DDX60L: variants seen among roughly 807,000 people sequenced by gnomAD.
The protein encoded by DDX60L is DExD/H-box 60 like.
In DDX60L, 191 loss-of-function variants were observed where a neutral mutation model predicts 211.6. The observed-to-expected ratio is 0.90, with a 90% CI of 0.80 to 1.02. The LOEUF is 1.02. DDX60L is among the 50% of genes least tolerant of loss of function. DDX60L has a pLI of 0.00. For synonymous variants in DDX60L, 706 were observed against 694.1 expected (o/e 1.02, Z -0.27); for missense variants, 2,007 against 1,984.1 (o/e 1.01, Z -0.22).
Position 168,419,352 on chromosome 4 carries a change from GA to G in DDX60L, c.2559del (p.Pro854LeufsTer48), listed in dbSNP as rs750908301. The G allele has an allele frequency of 6.3e-7, 1 of 1,598,976 alleles. No homozygotes were observed. Among genetic ancestry groups the G allele is most frequent in the Admixed American group, 1.7e-5 (1 of 58,266 alleles). On this transcript the variant is annotated frameshift_variant, in exon 19 of 38. Coordinates refer to ENST00000682922, the MANE Select transcript of DDX60L (RefSeq NM_001012967.3). LOFTEE classifies it high-confidence loss of function. ...VPECFEILLL[A>X]PHRQKWVERI... ...CTTTCCACCCATTTTTGGCGATGAG[GA>G]GCAAGCAACAGGATTTCAAAACATT...
intron 4 of DDX60L, among the ~76,000 whole-genome samples, chr4:168,463,725 C>T (rs1404467223): frequency 1.3e-5 from 2 of 151,924 alleles, no homozygotes; most frequent in Non-Finnish European, 2.9e-5. Context: ...CAAAACTAAC[C>T]CCCACCCCAA....
chr4:168,379,579 G>T, intron 31 of DDX60L, 75 bp from the exon 32 acceptor site: 2 of 1,232,910 alleles, frequency 1.6e-6, no homozygotes, highest in South Asian at 1.6e-5. Flanking sequence ...GTGAGTGACT[G>T]ACAAATATTA....
intron 28 of DDX60L, among the ~76,000 whole-genome samples, chr4:168,393,971 G>A (rs538718845): frequency 6.6e-6 from 1 of 152,192 alleles, no homozygotes; most frequent in East Asian, 1.9e-4. Flanking sequence ...CAGGTGGGTG[G>A]ATCATGAGGT....
chr4:168,366,846 AT>A (rs1291996261), intron 36 of DDX60L, among the ~76,000 whole-genome samples: 2 of 152,098 alleles, frequency 1.3e-5, no homozygotes, highest in East Asian at 3.9e-4. Flanking sequence ...CACCCAACTG[AT>A]TTTTTATAAA....
intron 4 of DDX60L, among the ~76,000 whole-genome samples, chr4:168,466,599 A>G (rs1470152519): frequency 6.6e-6 from 1 of 152,222 alleles, no homozygotes; most frequent in African/African-American, 2.4e-5. Flanking sequence ...ACCAGATGTG[A>G]ATTTCAAGTA....
intron 15 of DDX60L, among the ~76,000 whole-genome samples, chr4:168,423,129 T>C (rs1750923193): frequency 6.6e-6 from 1 of 152,110 alleles, no homozygotes; most frequent in Non-Finnish European, 1.5e-5. Flanking sequence ...CCTACTATGC[T>C]TTTAAATAGT....
intron 36 of DDX60L, among the ~76,000 whole-genome samples, chr4:168,364,157 T>C (rs1739563462): frequency 6.6e-6 from 1 of 152,046 alleles, no homozygotes; most frequent in South Asian, 2.1e-4. Context: ...GTATGCTGAC[T>C]ACTACAGAAT....
chr4:168,375,788 T>C (rs559925976), intron 33 of DDX60L, among the ~76,000 whole-genome samples: 1 of 152,334 alleles, frequency 6.6e-6, no homozygotes, highest in South Asian at 2.1e-4. Flanking sequence ...CCTACACTGA[T>C]CTTAAACTTA....
intron 29 of DDX60L, among the ~76,000 whole-genome samples, 183 bp downstream of exon 29, chr4:168,391,357 C>A (rs752588854): frequency 2.0e-5 from 3 of 152,102 alleles, no homozygotes; most frequent in Non-Finnish European, 2.9e-5. Context: ...AAAGTAGTAA[C>A]AACAGATAGA....
In DDX60L at chr4:168,432,998, T is replaced by C. The variant is rs1363378583; in HGVS notation, c.1400+12A>G. 2 of 1,568,638 alleles carry C rather than the reference T, an allele frequency of 1.3e-6. No homozygotes were observed. Among genetic ancestry groups the C allele is most frequent in the East Asian group, 2.3e-5 (1 of 44,336 alleles). On this transcript the variant is annotated intron_variant, in intron 11 of 37. Transcript: ENST00000682922. The stretch of plus-strand genomic sequence containing the variant: ...TGATGGCACTAAATCAGGTACTTCA[T>C]TAACTCTGTACCTCTTTAGAATAGG...
At chr4:168,408,465 C>T (rs1188343888) in intron 22 of DDX60L, among the ~76,000 whole-genome samples, 1 of 152,072 alleles carries the variant, frequency 6.6e-6, no homozygotes, top group Non-Finnish European at 1.5e-5. Context: ...CTCTGCACAA[C>T]ATGTAATTAG....
At chr4:168,449,702 T>C (rs1755519091) in intron 8 of DDX60L, among the ~76,000 whole-genome samples, 1 of 111,318 alleles carries the variant, frequency 9.0e-6, no homozygotes, top group Non-Finnish European at 1.8e-5. Context: ...TGTGCTTGAC[T>C]AAGAAAGAGG....
intron 37 of DDX60L, among the ~76,000 whole-genome samples, chr4:168,360,222 G>A (rs1298306503): frequency 6.6e-6 from 1 of 152,168 alleles, no homozygotes; most frequent in Non-Finnish European, 1.5e-5. Flanking sequence ...AACACAGTAA[G>A]ACCTTGATAC....
intron 29 of DDX60L, among the ~76,000 whole-genome samples, chr4:168,385,503 A>T (rs545039664): frequency 1.4e-4 from 22 of 152,292 alleles, no homozygotes; most frequent in Admixed American, 4.6e-4. Context: ...AAACTCAAAG[A>T]GGGGGTCATG....
At position 168,415,714 on chromosome 4, in the gene DDX60L, AT is replaced by A. The variant is rs774140988; in HGVS notation, c.2811del (p.Lys937AsnfsTer30). ...GAATGGTCTTGGAGAAAGTTGAGAC[AT>A]TTGTCAGCCTGTTTTTCAGAAATAC... is the stretch of plus-strand genomic sequence containing the variant. ...EKCISEKQAD[K>X]CLNFLQDHSY... On this transcript the variant is annotated frameshift_variant, in exon 21 of 38. Coordinates refer to ENST00000682922, the MANE Select transcript of DDX60L (RefSeq NM_001012967.3). LOFTEE classifies it high-confidence loss of function. 9 of 1,604,178 alleles carry A rather than the reference AT, an allele frequency of 5.6e-6. No individual in the cohort carries two copies. The Admixed American group carries it at 1.3e-4, about 24-fold the overall frequency.
chr4:168,373,611 A>C, intron 35 of DDX60L, 55 bp downstream of exon 35: 7 of 1,555,366 alleles, frequency 4.5e-6, no homozygotes, highest in East Asian at 2.3e-5. Context: ...ACAGCAATGT[A>C]ACCCCACTCT....
Position 168,396,136 on chromosome 4 carries a change from A to AC in DDX60L, c.3492-13_3492-12insG. 7.2e-7 allele frequency: 1 copy of AC among 1,391,108 alleles called. No homozygotes were observed. Among genetic ancestry groups the AC allele is most frequent in the Non-Finnish European group, 9.6e-7 (1 of 1,037,936 alleles). The allele number at this position is 1,391,108 out of a possible 1,614,324, so 86.2% of individuals were successfully genotyped here. A position where few individuals can be genotyped will look rare whatever the true frequency, so the allele number is the denominator to read the frequency against. On this transcript the variant is annotated splice_polypyrimidine_tract_variant and intron_variant, in intron 26 of 37. Coordinates refer to ENST00000682922, the MANE Select transcript of DDX60L (RefSeq NM_001012967.3). ...GGTTTTTTTTAGTGCTACTATTTAA[A>AC]AAAAAAAAAAAACTTTTAAGTAATG...
intron 14 of DDX60L, among the ~76,000 whole-genome samples, chr4:168,424,935 AG>A (rs1464123691): frequency 5.3e-5 from 8 of 152,208 alleles, no homozygotes; most frequent in African/African-American, 1.9e-4. Context: ...TCTGGGATGA[AG>A]CCTCCTTCCA....
Position 168,422,622 on chromosome 4 carries a change from C to T in DDX60L, c.2146G>A (p.Ala716Thr). The T allele has an allele frequency of 6.2e-7, 1 of 1,612,830 alleles. No homozygotes were observed. Among genetic ancestry groups the T allele is most frequent in the East Asian group, 2.2e-5 (1 of 44,860 alleles). Residue 716 changes from alanine (A) to threonine (T), a missense_variant, in exon 16 of 38, where the codon GCT becomes ACT. Physicochemically the swap from Ala to Thr is moderately conservative, Grantham distance 58. Coordinates refer to ENST00000682922, the MANE Select transcript of DDX60L (RefSeq NM_001012967.3). ...CCCATGTATTGCAGTTGAAACCGAG[C>T]TGGTCCAATGTCAATCGAATATTTC... is the stretch of plus-strand genomic sequence containing the variant. ...KKKYSIDIGP[A>T]RFQLQYMGHY...
Sources: gnomAD v4.1 joint callset for allele counts (sites outside exome capture counted in the v4.1 genomes callset) on GRCh38, gnomAD v4.1.1 for gene constraint, MANE v1.5 for transcripts, NCBI Gene and HGNC (gene_info 2026-07-23, HGNC 2026-07-21) for gene names.